The following EXOC6B variants were observed in gnomAD, a reference collection of about 807,000 sequenced individuals.
The protein encoded by EXOC6B is exocyst complex component 6B.
Under a neutral mutation model 113.5 loss-of-function variants are expected in EXOC6B, and 54 were observed. The observed-to-expected ratio is 0.48, with a 90% CI of 0.38 to 0.60. EXOC6B has a LOEUF of 0.60. Among genes scored for constraint, EXOC6B ranks in the 20% least tolerant of loss-of-function variants. The pLI, the probability that EXOC6B is intolerant of heterozygous loss-of-function variation, is 0.00. For missense variants in EXOC6B, 797 were observed against 977.5 expected (o/e 0.82, Z 2.46); for synonymous variants, 357 against 339.0 (o/e 1.05, Z -0.58).
chr2:72,244,555 T>A (rs1270157545), intron 20 of EXOC6B, among the ~76,000 whole-genome samples: 1 of 151,722 alleles, frequency 6.6e-6, no homozygotes, highest in Non-Finnish European at 1.5e-5. Flanking sequence ...GCAATAAAAA[T>A]TAGGGCAGAA....
chr2:72,355,023 A>G (rs1466044362), intron 19 of EXOC6B, among the ~76,000 whole-genome samples: 2 of 152,242 alleles, frequency 1.3e-5, no homozygotes, highest in African/African-American at 4.8e-5. Flanking sequence ...AAGCTTTTAC[A>G]TAAATTGACT....
chr2:72,584,024 C>A (rs1486876236), intron 6 of EXOC6B, among the ~76,000 whole-genome samples: 1 of 151,872 alleles, frequency 6.6e-6, no homozygotes, highest in Non-Finnish European at 1.5e-5. Flanking sequence ...CACCCGGCCC[C>A]TTAAGGGAGT....
chr2:72,497,752 G>T (rs1219495545), intron 13 of EXOC6B, among the ~76,000 whole-genome samples: 1 of 152,166 alleles, frequency 6.6e-6, no homozygotes, highest in Admixed American at 6.6e-5. Flanking sequence ...AAACTGATCA[G>T]GGAAAGGGGT....
intron 1 of EXOC6B, among the ~76,000 whole-genome samples, chr2:72,748,315 T>C (rs1681827050): frequency 6.6e-6 from 1 of 152,070 alleles, no homozygotes; most frequent in Admixed American, 6.6e-5. Context: ...AAAAGCATCA[T>C]TAGTATTTTT....
At chr2:72,236,717 T>C (rs1249870734) in intron 20 of EXOC6B, among the ~76,000 whole-genome samples, 1 of 152,116 alleles carries the variant, frequency 6.6e-6, no homozygotes, top group East Asian at 1.9e-4. Flanking sequence ...TCCTGGCAAC[T>C]TTTGATTTAA....
chr2:72,281,993 G>C (rs1307748608), intron 20 of EXOC6B, among the ~76,000 whole-genome samples: 1 of 152,060 alleles, frequency 6.6e-6, no homozygotes, highest in Non-Finnish European at 1.5e-5. Context: ...CTACATATTT[G>C]AATGCTAAAA....
At chr2:72,333,670 A>G (rs2104874962) in intron 20 of EXOC6B, among the ~76,000 whole-genome samples, 1 of 152,272 alleles carries the variant, frequency 6.6e-6, no homozygotes, top group African/African-American at 2.4e-5. Flanking sequence ...CATGCTGGTG[A>G]ATCCTTAATG....
rs149858492 is a variant in EXOC6B at position 72,468,849 on chromosome 2, G to A, written c.1801-3510C>T. 1.9e-3 allele frequency among the ~76,000 whole-genome samples: 284 copies of A among 152,110 alleles called. 3 individuals are homozygous for A. Among genetic ancestry groups the A allele is most frequent in the African/African-American group, 6.5e-3 (269 of 41,508 alleles). On this transcript the variant is annotated intron_variant, in intron 17 of 21. Transcript: ENST00000272427. ...CAACAGGTCTTCTAAATATTTCAAT[G>A]AGCACTTCTATACTTTCATCTTTAC...
intron 20 of EXOC6B, among the ~76,000 whole-genome samples, chr2:72,184,485 A>G (rs1304897974): frequency 1.3e-5 from 2 of 152,218 alleles, no homozygotes; most frequent in East Asian, 3.8e-4. Flanking sequence ...TGAATCAAAT[A>G]TGATAATAAT....
At chr2:72,238,521 C>G (rs1682099688) in intron 20 of EXOC6B, among the ~76,000 whole-genome samples, 1 of 152,174 alleles carries the variant, frequency 6.6e-6, no homozygotes, top group African/African-American at 2.4e-5. Flanking sequence ...ATTTCCCCAG[C>G]AATGTATGAA....
intron 6 of EXOC6B, among the ~76,000 whole-genome samples, chr2:72,620,529 A>G (rs1671684125): frequency 6.8e-6 from 1 of 147,300 alleles, no homozygotes; most frequent in African/African-American, 2.7e-5. Flanking sequence ...TTTAAATTTA[A>G]AAGACCTCAA....
chr2:72,220,058 G>T (rs1011525201), intron 20 of EXOC6B, among the ~76,000 whole-genome samples: 2 of 152,140 alleles, frequency 1.3e-5, no homozygotes, highest in Non-Finnish European at 2.9e-5. Context: ...AAGCTGCAGA[G>T]ATTAAGTAGC....
At chr2:72,406,534 T>C (rs1693779742) in intron 18 of EXOC6B, among the ~76,000 whole-genome samples, 2 of 152,164 alleles carry the variant, frequency 1.3e-5, no homozygotes, top group African/African-American at 4.8e-5. Flanking sequence ...AAACTAGAAC[T>C]CAGGATTAAG....
intron 1 of EXOC6B, among the ~76,000 whole-genome samples, chr2:72,783,385 C>T (rs774277496): frequency 2.3e-4 from 31 of 132,240 alleles, no homozygotes; most frequent in Non-Finnish European, 3.7e-4. Context: ...AGTGCAGTGG[C>T]GCAATCTCAA....
intron 1 of EXOC6B, among the ~76,000 whole-genome samples, chr2:72,816,137 A>G (rs1259712620): frequency 6.6e-6 from 1 of 152,184 alleles, no homozygotes; most frequent in Non-Finnish European, 1.5e-5. Flanking sequence ...CCACTCTGGG[A>G]GACAGAGCAA....
intron 18 of EXOC6B, among the ~76,000 whole-genome samples, chr2:72,394,825 T>C (rs965349524): frequency 2.6e-5 from 4 of 152,116 alleles, no homozygotes; most frequent in Non-Finnish European, 4.4e-5. Context: ...CCAATTCCCA[T>C]TGCCCTTTTT....
At chr2:72,431,686 T>C (rs1276097517) in intron 18 of EXOC6B, among the ~76,000 whole-genome samples, 1 of 152,150 alleles carries the variant, frequency 6.6e-6, no homozygotes, top group Non-Finnish European at 1.5e-5. Flanking sequence ...CTGGGATACA[T>C]ATGCAGAATG....
chr2:72,576,081 G>T (rs1704835227), intron 6 of EXOC6B, among the ~76,000 whole-genome samples: 1 of 152,074 alleles, frequency 6.6e-6, no homozygotes, highest in African/African-American at 2.4e-5. Flanking sequence ...ATACCACATT[G>T]AGACCATAAT....
chr2:72,305,989 G>A (rs1174415193), intron 20 of EXOC6B, among the ~76,000 whole-genome samples: 1 of 152,032 alleles, frequency 6.6e-6, no homozygotes, highest in Non-Finnish European at 1.5e-5. Context: ...ATTCCAAAAG[G>A]GGGAGCAAGC....
Sources: allele counts gnomAD v4.1 joint callset (sites outside exome capture counted in the v4.1 genomes callset), GRCh38; gene constraint gnomAD v4.1.1; transcripts MANE v1.5; gene names NCBI Gene and HGNC (gene_info 2026-07-23, HGNC 2026-07-21).